Variants in SMAD3 observed in about 807,000 individuals in gnomAD.
SMAD3 encodes SMAD family member 3, also known as MAD homolog 3.
A neutral mutation model predicts 51.8 loss-of-function variants in SMAD3; 12 were observed. The observed-to-expected ratio is 0.23, with a 90% CI of 0.15 to 0.38. The LOEUF (loss-of-function observed/expected upper bound fraction) is 0.38. Ranked by LOEUF, SMAD3 falls within the 10% of genes least tolerant of loss-of-function variation. The pLI is 1.00. For synonymous variants in SMAD3, 238 were observed against 227.7 expected (o/e 1.05, Z -0.41); for missense variants, 294 against 565.6 (o/e 0.52, Z 4.87).
intron 1 of SMAD3, 75 bp from the exon 2 acceptor site, chr15:67,164,820 G>T (rs1962530570): frequency 3.4e-6 from 5 of 1,484,484 alleles, no homozygotes; most frequent in Non-Finnish European, 4.7e-6. Flanking sequence ...GTGTCTGAAA[G>T]TAGGAGGCCG....
At chr15:67,085,747 G>A (rs1239403036) in intron 1 of SMAD3, among the ~76,000 whole-genome samples, 1 of 152,148 alleles carries the variant, frequency 6.6e-6, no homozygotes, top group Non-Finnish European at 1.5e-5. Context: ...TTTCCTAGGT[G>A]ATTCCGGTAT....
At chr15:67,144,153 T>A (rs558400611) in intron 1 of SMAD3, among the ~76,000 whole-genome samples, 30 of 152,210 alleles carry the variant, frequency 2.0e-4, no homozygotes, top group Non-Finnish European at 4.1e-4. Context: ...TTCACCATCT[T>A]GTTTGCCTGC....
intron 1 of SMAD3, chr15:67,138,368 T>G: frequency 2.3e-6 from 1 of 443,886 alleles, no homozygotes; most frequent in Non-Finnish European, 4.2e-6. Flanking sequence ...GGCCCCAGGA[T>G]GGAGCTTGCT....
At chr15:67,168,896 G>C (rs571347186) in intron 4 of SMAD3, among the ~76,000 whole-genome samples, 2 of 152,252 alleles carry the variant, frequency 1.3e-5, no homozygotes, top group African/African-American at 4.8e-5. Context: ...GCCCCCCAGG[G>C]TGTGGTAGTG....
intron 1 of SMAD3, among the ~76,000 whole-genome samples, chr15:67,124,382 G>T (rs1201471694): frequency 1.3e-5 from 2 of 152,062 alleles, no homozygotes; most frequent in African/African-American, 4.8e-5. Flanking sequence ...TACACAGCTT[G>T]TTGATCTCCA....
chr15:67,077,698 A>G (rs1055251757), intron 1 of SMAD3, among the ~76,000 whole-genome samples: 2 of 152,194 alleles, frequency 1.3e-5, no homozygotes, highest in African/African-American at 4.8e-5. Flanking sequence ...GCAATACTCA[A>G]TTGGGGCCTT....
At chr15:67,160,225 T>C (rs1962389282) in intron 1 of SMAD3, among the ~76,000 whole-genome samples, 1 of 152,256 alleles carries the variant, frequency 6.6e-6, no homozygotes. Context: ...CAAGCTGTTT[T>C]CCAAAATAGT....
At chr15:67,189,982 G>T (rs1963317735) in intron 8 of SMAD3, among the ~76,000 whole-genome samples, 1 of 152,034 alleles carries the variant, frequency 6.6e-6, no homozygotes, top group African/African-American at 2.4e-5. Context: ...ATCGTCGCCT[G>T]CTGGGGCTGG....
intron 6 of SMAD3, 136 bp from the exon 7 acceptor site, chr15:67,184,591 G>A: frequency 9.4e-7 from 1 of 1,067,096 alleles, no homozygotes; most frequent in African/African-American, 1.5e-5. Flanking sequence ...TGGGCTTTGG[G>A]GCCCGTTTGC....
At chr15:67,129,248 A>G (rs1961464814) in intron 1 of SMAD3, among the ~76,000 whole-genome samples, 1 of 152,188 alleles carries the variant, frequency 6.6e-6, no homozygotes, top group Non-Finnish European at 1.5e-5. Context: ...GGAAAGAATA[A>G]TAGCCAAGCA....
chr15:67,111,999 G>C (rs4776891), intron 1 of SMAD3, among the ~76,000 whole-genome samples: 35,574 of 151,726 alleles, frequency 0.23, 4,731 homozygotes, highest in East Asian at 0.53. Context: ...TGATGGCCAG[G>C]TTGGTCTTGA....
intron 1 of SMAD3, among the ~76,000 whole-genome samples, chr15:67,114,340 A>G (rs1373841327): frequency 6.6e-6 from 1 of 152,180 alleles, no homozygotes; most frequent in Non-Finnish European, 1.5e-5. Flanking sequence ...TGGGCCCCTC[A>G]TCACCTACGG....
At chr15:67,097,464 C>G (rs1415899793) in intron 1 of SMAD3, among the ~76,000 whole-genome samples, 3 of 152,026 alleles carry the variant, frequency 2.0e-5, no homozygotes, top group Non-Finnish European at 2.9e-5. Flanking sequence ...AGGCTAGTCT[C>G]AAACTTGTGA....
Position 67,194,944 on chromosome 15 carries a change from T to C in SMAD3, c.*4408T>C, listed in dbSNP as rs1420799281. 2 of 233,654 alleles carry C rather than the reference T, an allele frequency of 8.6e-6. No homozygotes were observed. Among genetic ancestry groups the C allele is most frequent in the African/African-American group, 2.2e-5 (1 of 45,342 alleles). 14.5% of individuals were successfully genotyped at this position (233,654 alleles called of 1,614,324 possible). A position where few individuals can be genotyped will look rare whatever the true frequency, so the allele number is the denominator to read the frequency against. ...CTGATGTGTGTGGAGGGATGGGGAA[T>C]AGAACATTGACTGTGTTGATTACCT... On this transcript the variant is annotated 3_prime_UTR_variant, in exon 9 of 9. Transcript: ENST00000327367.
intron 3 of SMAD3, 54 bp downstream of exon 3, chr15:67,165,438 CCGA>C (rs977005108): frequency 3.1e-6 from 5 of 1,602,910 alleles, no homozygotes; most frequent in Non-Finnish European, 8.5e-7. Flanking sequence ...GCGGTCAGCC[CCGA>C]CATCAGTCCT....
chr15:67,071,891 C>G lies in SMAD3; in HGVS notation c.206+5531C>G, dbSNP rs193156747. 3.0e-3 allele frequency among the ~76,000 whole-genome samples: 456 copies of G among 152,312 alleles called. 2 individuals are homozygous for G. The highest frequency in any genetic ancestry group is 6.8e-3 in the Middle Eastern group (2 of 294). On this transcript the variant is annotated intron_variant, in intron 1 of 8. Transcript: ENST00000327367. Reference sequence around the variant, plus strand: ...AATTCAAAGCTTCGGTGTGACCTAGCTTCTCATTTCTCTAGTTAACACTTG... The same window carrying G: ...AATTCAAAGCTTCGGTGTGACCTAGGTTCTCATTTCTCTAGTTAACACTTG...
chr15:67,186,717 T>A, intron 7 of SMAD3: 1 of 191,606 alleles, frequency 5.2e-6, no homozygotes, highest in Admixed American at 5.5e-5. Context: ...TAGCTGTGAA[T>A]GTCACCTCCA....
At chr15:67,096,992 G>T (rs1029210786) in intron 1 of SMAD3, among the ~76,000 whole-genome samples, 7 of 152,310 alleles carry the variant, frequency 4.6e-5, no homozygotes, top group Admixed American at 1.3e-4. Flanking sequence ...GAATTTTTGG[G>T]CAGCCTAGTA....
chr15:67,068,702 G>C (rs1959983254), intron 1 of SMAD3, among the ~76,000 whole-genome samples: 3 of 152,102 alleles, frequency 2.0e-5, no homozygotes, highest in African/African-American at 7.2e-5. Context: ...AGACAAAATG[G>C]ATTTTCATCC....
Sources: gnomAD v4.1 joint callset for allele counts (sites outside exome capture counted in the v4.1 genomes callset) on GRCh38, gnomAD v4.1.1 for gene constraint, MANE v1.5 for transcripts, NCBI Gene and HGNC (gene_info 2026-07-23, HGNC 2026-07-21) for gene names.